C3: variants seen among roughly 807,000 people sequenced by gnomAD.
The protein encoded by C3 is complement C3.
Under a neutral mutation model 207.9 loss-of-function variants are expected in C3, and 97 were observed. That is an observed-to-expected ratio of 0.47 (90% CI 0.40 to 0.55). C3 has a LOEUF of 0.55. Among genes scored for constraint, C3 ranks in the 20% least tolerant of loss-of-function variants. C3 has a pLI of 0.00. For missense variants in C3, 1,684 were observed against 2,171.7 expected (o/e 0.78, Z 4.46); for synonymous variants, 848 against 857.6 (o/e 0.99, Z 0.20).
At chr19:6,702,241 G>A (rs1348992425) in intron 18 of C3, 29 bp from the exon 19 acceptor site, 2 of 1,387,814 alleles carry the variant, frequency 1.4e-6, no homozygotes, top group African/African-American at 2.9e-5. Flanking sequence ...GGGGTATTAG[G>A]AGATGTCATC....
In C3 at chr19:6,714,411, C is replaced by T. The variant is rs1292906806; in HGVS notation, c.540G>A (p.Leu180=). Residue 180 remains leucine (L), a synonymous_variant, in exon 5 of 41, where the codon TTG becomes TTA. Coordinates refer to ENST00000245907, the MANE Select transcript of C3 (RefSeq NM_000064.4). ...AGACGCCAAGCTGGTTCTGAGAAGA[C>T]AAGGAGTCCTGCTTGACCGGGATGC... ...PEGIPVKQDS[L]SSQNQLGVLP... 1 of 1,613,740 alleles carries T rather than the reference C, an allele frequency of 6.2e-7. No homozygotes were observed. Among genetic ancestry groups the T allele is most frequent in the African/African-American group, 1.3e-5 (1 of 74,936 alleles).
intron 19 of C3, among the ~76,000 whole-genome samples, chr19:6,700,226 T>A (rs1599512130): frequency 2.9e-5 from 3 of 104,742 alleles, no homozygotes; most frequent in Non-Finnish European, 6.1e-5. Flanking sequence ...ACATATATAT[T>A]ATATATGTAA....
chr19:6,720,299 TA>T (rs1968135241), intron 1 of C3, among the ~76,000 whole-genome samples: 1 of 151,696 alleles, frequency 6.6e-6, no homozygotes, highest in South Asian at 2.1e-4. Context: ...CAAATGTATA[TA>T]AACTCCAATT....
At position 6,678,297 on chromosome 19, in the gene C3, A is replaced by AG. The variant is rs1917772453; in HGVS notation, c.4715-11dup. ...TGCACCTCATCCGAGCCTGGAGTGG[A>AG]GGGGAGAGGGAAGAAGCTGAGTCGT... On this transcript the variant is annotated splice_polypyrimidine_tract_variant and intron_variant, in intron 39 of 40. Coordinates refer to ENST00000245907, the MANE Select transcript of C3 (RefSeq NM_000064.4). 1 of 1,614,008 alleles carries AG rather than the reference A, an allele frequency of 6.2e-7. No homozygotes were observed. The highest frequency in any genetic ancestry group is 2.2e-5 in the East Asian group (1 of 44,884).
intron 14 of C3, 77 bp from the exon 15 acceptor site, chr19:6,708,006 A>C (rs1967818939): frequency 6.4e-7 from 1 of 1,569,926 alleles, no homozygotes; most frequent in Admixed American, 1.7e-5. Context: ...GCACCTGTGT[A>C]TCTCTTCCCA....
At position 6,686,079 on chromosome 19, in the gene C3, C is replaced by CA. The variant is rs746709073; in HGVS notation, c.3810+44dup. 41 of 1,604,826 alleles carry CA rather than the reference C, an allele frequency of 2.6e-5. No individual in the cohort carries two copies. In the African/African-American group the frequency reaches 5.1e-4, roughly 20 times the overall value. On this transcript the variant is annotated intron_variant, in intron 29 of 40. Transcript: ENST00000245907. The stretch of plus-strand genomic sequence containing the variant: ...TCTCTAGGAGGCCAGTGGGAAGCCG[C>CA]AGGAGACAGGGATGCATGTGCCTAG...
At chr19:6,718,922 C>CAG (rs1968104619) in intron 2 of C3, among the ~76,000 whole-genome samples, 2 of 105,142 alleles carry the variant, frequency 1.9e-5, no homozygotes, top group Non-Finnish European at 3.7e-5. Context: ...GGAGGAGTCT[C>CAG]AGAAGGGGTG....
At chr19:6,695,799 C>T (rs1967519754) in intron 23 of C3, among the ~76,000 whole-genome samples, 1 of 152,072 alleles carries the variant, frequency 6.6e-6, no homozygotes, top group East Asian at 1.9e-4. Flanking sequence ...CTAAGAAGCA[C>T]AGAAGGTCTA....
chr19:6,702,666 G>A (rs1967700030), intron 17 of C3, 87 bp from the exon 18 acceptor site: 1 of 899,704 alleles, frequency 1.1e-6, no homozygotes, highest in African/African-American at 1.6e-5. Flanking sequence ...GGGAGGCCAA[G>A]GCAGGTGGAT....
Position 6,712,328 on chromosome 19 carries a change from G to C in C3, c.1198C>G (p.Leu400Val), listed in dbSNP as rs1345395937. ...TTGGCCACGCCATCTCCCTGGGTTA[G>C]AGACTGCACAGTGTCCTCGCCCTGG... Reference protein sequence around the residue: ...AVQGEDTVQSLTQGDGVAKLS... With the variant: ...AVQGEDTVQSVTQGDGVAKLS... Residue 400 changes from leucine (L) to valine (V), a missense_variant, in exon 11 of 41, where the codon CTA becomes GTA. Coordinates refer to ENST00000245907, the MANE Select transcript of C3 (RefSeq NM_000064.4). 6.2e-7 allele frequency: 1 copy of C among 1,614,156 alleles called. No homozygotes were observed. Among genetic ancestry groups the C allele is most frequent in the South Asian group, 1.1e-5 (1 of 91,086 alleles).
intron 25 of C3, 33 bp downstream of exon 25, chr19:6,693,379 T>A (rs1438870635): frequency 6.3e-7 from 1 of 1,584,694 alleles, no homozygotes; most frequent in African/African-American, 1.3e-5. Flanking sequence ...GGGTGGGGAG[T>A]ATGCATGGCC....
intron 35 of C3, among the ~76,000 whole-genome samples, chr19:6,681,090 G>C (rs1030404204): frequency 6.6e-6 from 1 of 152,002 alleles, no homozygotes; most frequent in South Asian, 2.1e-4. Flanking sequence ...GAAGAAACAA[G>C]AACAAAAATT....
chr19:6,719,409 G>C lies in C3; in HGVS notation c.75-6C>G. ...TGGGGGTGATGATAGAGTACCTGTC[G>C]GAGTGGGGCACGGGAGTGGGCTTGT... On this transcript the variant is annotated splice_polypyrimidine_tract_variant and splice_region_variant and intron_variant, in intron 1 of 40. Transcript: ENST00000245907. This position sits in a 1 kb window ranked among gnomAD's most constrained non-coding sequence, Gnocchi z 5.4. The C allele has an allele frequency of 6.2e-7, 1 of 1,613,478 alleles. No individual in the cohort carries two copies. The highest frequency in any genetic ancestry group is 8.5e-7 in the Non-Finnish European group (1 of 1,179,554).
In C3 at chr19:6,686,913, G is replaced by C. The variant is rs1435410707; in HGVS notation, c.3490-11C>G. 4 of 1,613,998 alleles carry C rather than the reference G, an allele frequency of 2.5e-6. No individual in the cohort carries two copies. Among genetic ancestry groups the C allele is most frequent in the Non-Finnish European group, 3.4e-6 (4 of 1,179,982 alleles). Reference sequence around the variant, plus strand: ...GCTGCCTGGCAGGCTCTATGAGAAAGAGGATCAGATTCTCCGGTCATGTGG... The same window carrying C: ...GCTGCCTGGCAGGCTCTATGAGAAACAGGATCAGATTCTCCGGTCATGTGG... On this transcript the variant is annotated splice_polypyrimidine_tract_variant and intron_variant, in intron 27 of 40. Coordinates refer to ENST00000245907, the MANE Select transcript of C3 (RefSeq NM_000064.4).
In C3 at chr19:6,678,218, T is replaced by C. The variant is rs1298858967; in HGVS notation, c.4784A>G (p.Lys1595Arg). 1 of 1,614,072 alleles carries C rather than the reference T, an allele frequency of 6.2e-7. No homozygotes were observed. Residue 1595 changes from lysine (K) to arginine (R), a missense_variant, in exon 40 of 41, where the codon AAG becomes AGG. Coordinates refer to ENST00000245907, the MANE Select transcript of C3 (RefSeq NM_000064.4). ...GAGGTAGTGTTTCTTCTCCTCCAGC[T>C]TCAGGGCTTCTCTGCACTTGATGGG... ...ISPIKCREALKLEEKKHYLMW... is the reference protein window; with the variant it reads ...ISPIKCREALRLEEKKHYLMW...
chr19:6,714,426 G>T lies in C3; in HGVS notation c.525C>A (p.Val175=). Residue 175 remains valine (V), a synonymous_variant, in exon 5 of 41, where the codon GTC becomes GTA. Coordinates refer to ENST00000245907, the MANE Select transcript of C3 (RefSeq NM_000064.4). ...TCTGAGAAGACAAGGAGTCCTGCTT[G>T]ACCGGGATGCCTTCCGGGTTCTGTG... is the stretch of plus-strand genomic sequence containing the variant. ...VNIENPEGIP[V]KQDSLSSQNQ... 1.2e-6 allele frequency: 2 copies of T among 1,613,654 alleles called. No individual in the cohort carries two copies. The highest frequency in any genetic ancestry group is 2.2e-5 in the South Asian group (2 of 91,054).
intron 27 of C3, among the ~76,000 whole-genome samples, chr19:6,689,303 CT>C (rs1568213361): frequency 7.6e-6 from 1 of 131,052 alleles, no homozygotes; most frequent in African/African-American, 3.0e-5. Flanking sequence ...CCTCTCCTCT[CT>C]CTCTCTCTCT....
In C3 at chr19:6,714,405, A is replaced by G. The variant is rs1310725303; in HGVS notation, c.546T>C (p.Ser182=). 1.2e-6 allele frequency: 2 copies of G among 1,613,744 alleles called. No homozygotes were observed. The highest frequency in any genetic ancestry group is 1.3e-5 in the African/African-American group (1 of 74,940). ...AGGGCAAGACGCCAAGCTGGTTCTG[A>G]GAAGACAAGGAGTCCTGCTTGACCG... ...GIPVKQDSLS[S]QNQLGVLPLS... The change falls in exon 5 of 41, where the codon TCT becomes TCC. Residue 182 remains serine (S), a synonymous_variant. Transcript: ENST00000245907.
At chr19:6,707,672 A>G (rs553040372) in intron 15 of C3, 128 bp downstream of exon 15, 67 of 1,519,468 alleles carry the variant, frequency 4.4e-5, no homozygotes, top group Non-Finnish European at 5.8e-5. Flanking sequence ...CTCAGAGGGG[A>G]GGGATTTACT....
Sources: allele counts gnomAD v4.1 joint callset (sites outside exome capture counted in the v4.1 genomes callset), GRCh38; gene constraint gnomAD v4.1.1; non-coding constraint Gnocchi (gnomAD v3.1); transcripts MANE v1.5; gene names NCBI Gene and HGNC (gene_info 2026-07-23, HGNC 2026-07-21).